The following HEPACAM2 variants were observed in gnomAD, a reference collection of about 807,000 sequenced individuals.
HEPACAM2 encodes the protein mitotic kinetics regulator.
HEPACAM2 carries 49 observed loss-of-function variants against 49.6 expected under a neutral mutation model. The ratio of observed to expected loss-of-function variants is 0.99; its 90% confidence interval spans 0.78 to 1.25. The LOEUF (loss-of-function observed/expected upper bound fraction) is 1.25, where lower values mean the gene tolerates loss of function less well. Ranked by LOEUF, HEPACAM2 falls within the 50% of genes most tolerant of loss-of-function variation. HEPACAM2 has a pLI of 0.00. For synonymous variants in HEPACAM2, 197 were observed against 202.9 expected, an observed-to-expected ratio of 0.97 and a Z score of 0.25; for missense variants, 525 against 557.2, an observed-to-expected ratio of 0.94 and a Z score of 0.58.
chr7:93,203,469 T>A (rs1475118424), intron 4 of HEPACAM2, among the ~76,000 whole-genome samples: 1 of 152,126 alleles, frequency 6.6e-6, no homozygotes, highest in African/African-American at 2.4e-5. Context: ...CCATAGAGAA[T>A]GTATAGGGAT....
chr7:93,209,694 A>G (rs1794129471), intron 3 of HEPACAM2, among the ~76,000 whole-genome samples: 1 of 151,978 alleles, frequency 6.6e-6, no homozygotes, highest in African/African-American at 2.4e-5. Flanking sequence ...TTTCTGAAAT[A>G]GTCATTGTAC....
the HEPACAM2 span, among the ~76,000 whole-genome samples, chr7:93,232,023 C>T: frequency 5.3e-5 from 8 of 152,192 alleles, no homozygotes; most frequent in East Asian, 1.5e-3. Context: ...GTGAGGTTTC[C>T]TCCCTCACAC....
chr7:93,201,947 T>G (rs545264057), intron 4 of HEPACAM2, among the ~76,000 whole-genome samples: 1 of 147,010 alleles, frequency 6.8e-6, no homozygotes, highest in Admixed American at 6.9e-5. Context: ...GAAGGACCCA[T>G]ACTTCACTGC....
In HEPACAM2 at chr7:93,219,248, G is replaced by A; in HGVS notation, c.283C>T (p.Gln95Ter). 2 of 1,613,954 alleles carry A rather than the reference G, an allele frequency of 1.2e-6. No homozygotes were observed. The highest frequency in any genetic ancestry group is 1.7e-6 in the Non-Finnish European group (2 of 1,179,940). ...NKSVVPDLEY[Q>*]HKFTMMPPNA... is the part of the protein sequence containing the mutation. ...GGTGGCATCATGGTGAACTTGTGTT[G>A]GTATTCCAAGTCAGGAACCACAGAC... Residue 95 changes from glutamine (Q) to a stop codon, truncating the protein, a stop_gained, in exon 2 of 10, where the codon CAA becomes TAA. Coordinates refer to ENST00000394468, the MANE Select transcript of HEPACAM2 (RefSeq NM_001039372.4). LOFTEE classifies it high-confidence loss of function.
intron 8 of HEPACAM2, among the ~76,000 whole-genome samples, chr7:93,195,135 C>T (rs970953454): frequency 2.6e-5 from 4 of 152,034 alleles, no homozygotes; most frequent in Non-Finnish European, 5.9e-5. Flanking sequence ...AAAGGGAAAA[C>T]TGAGGAACAG....
upstream of HEPACAM2, among the ~76,000 whole-genome samples, chr7:93,229,048 G>A (rs1315107729): frequency 2.0e-5 from 3 of 152,198 alleles, no homozygotes; most frequent in Non-Finnish European, 2.9e-5. Flanking sequence ...ATCACAAGTA[G>A]CTAGCACACG....
chr7:93,227,650 C>T (rs1019869982), upstream of HEPACAM2, among the ~76,000 whole-genome samples: 10 of 152,142 alleles, frequency 6.6e-5, no homozygotes, highest in African/African-American at 2.4e-4. Context: ...TTTCAGATCC[C>T]TCCATGCTTC....
intron 4 of HEPACAM2, among the ~76,000 whole-genome samples, chr7:93,206,572 G>T (rs2116675423): frequency 6.6e-6 from 1 of 152,104 alleles, no homozygotes; most frequent in South Asian, 2.1e-4. Flanking sequence ...GAGCTGCATT[G>T]TCTGACATGG....
chr7:93,226,420 G>A lies in HEPACAM2; in HGVS notation c.27C>T (p.Pro9=). Residue 9 remains proline (P), a synonymous_variant, in exon 1 of 10, where the codon CCC becomes CCT. Transcript: ENST00000394468. The stretch of plus-strand genomic sequence containing the variant: ...GAAAGACCCCAAGTGTGTCACCGAA[G>A]GGCTCCATGAAAGCATCCTGTCCCA... MGQDAFME[P]FGDTLGVFQC... 6.2e-7 allele frequency: 1 copy of A among 1,613,602 alleles called. No homozygotes were observed. The highest frequency in any genetic ancestry group is 8.5e-7 in the Non-Finnish European group (1 of 1,179,666).
upstream of HEPACAM2, among the ~76,000 whole-genome samples, chr7:93,231,338 A>C (rs897579213): frequency 6.6e-6 from 1 of 152,242 alleles, no homozygotes; most frequent in South Asian, 2.1e-4. Context: ...TTTCTTCAGC[A>C]CAATACATGA....
chr7:93,217,891 TG>T, intron 2 of HEPACAM2, among the ~76,000 whole-genome samples: 1 of 151,226 alleles, frequency 6.6e-6, no homozygotes, highest in African/African-American at 2.4e-5. Context: ...TGTGTGTGTG[TG>T]TGTGTGTGTG....
rs1412333404 is a variant in HEPACAM2 at position 93,225,917 on chromosome 7, C to A, written c.79+451G>T. ...ATATTTCATAAGATGAGACAGATAA[C>A]TTAAAACGAAGCAGTAAACAGTTTG... On this transcript the variant is annotated intron_variant, in intron 1 of 9. Coordinates refer to ENST00000394468, the MANE Select transcript of HEPACAM2 (RefSeq NM_001039372.4). The A allele has an allele frequency of 4.2e-6, 6 of 1,437,640 alleles. No homozygotes were observed. The South Asian group carries it at 8.0e-5, about 19-fold the overall frequency. 89.1% of individuals were successfully genotyped at this position (1,437,640 alleles called of 1,614,324 possible).
chr7:93,226,862 A>G (rs918839570), upstream of HEPACAM2, among the ~76,000 whole-genome samples: 1 of 152,162 alleles, frequency 6.6e-6, no homozygotes, highest in African/African-American at 2.4e-5. Flanking sequence ...ATTAAAAAAA[A>G]TTATATGAAA....
chr7:93,195,796 T>C (rs776075808), intron 8 of HEPACAM2, 32 bp downstream of exon 8: 63 of 1,546,248 alleles, frequency 4.1e-5, no homozygotes, highest in Non-Finnish European at 5.5e-5. Flanking sequence ...AGAATTCTAC[T>C]TCTCGGTTAA....
At chr7:93,195,633 T>C (rs1294866378) in intron 8 of HEPACAM2, among the ~76,000 whole-genome samples, 195 bp downstream of exon 8, 2 of 152,198 alleles carry the variant, frequency 1.3e-5, no homozygotes, top group Non-Finnish European at 2.9e-5. Flanking sequence ...GCTTTACTTA[T>C]AAAGGCGAAG....
chr7:93,226,304 A>G (rs1794537915), intron 1 of HEPACAM2, 64 bp downstream of exon 1: 2 of 1,176,762 alleles, frequency 1.7e-6, no homozygotes, highest in Non-Finnish European at 2.5e-6. Context: ...TATTTACCTT[A>G]TGTCCACAAT....
chr7:93,232,277 A>G, the HEPACAM2 span: 4 of 558,736 alleles, frequency 7.2e-6, no homozygotes, highest in East Asian at 9.4e-5. Context: ...TGGCCACTTT[A>G]GTTCATCGTT....
At chr7:93,190,022 C>A (rs1253509007) in intron 9 of HEPACAM2, among the ~76,000 whole-genome samples, 1 of 151,968 alleles carries the variant, frequency 6.6e-6, no homozygotes, top group Non-Finnish European at 1.5e-5. Context: ...TACTAAGAAT[C>A]ACTAATCTTT....
At chr7:93,190,185 A>G (rs2116617115) in intron 9 of HEPACAM2, among the ~76,000 whole-genome samples, 1 of 152,198 alleles carries the variant, frequency 6.6e-6, no homozygotes, top group Non-Finnish European at 1.5e-5. Context: ...TCTGATAAAG[A>G]AAAAGGAAGC....
Sources: allele counts gnomAD v4.1 joint callset (sites outside exome capture counted in the v4.1 genomes callset), GRCh38; gene constraint gnomAD v4.1.1; transcripts MANE v1.5; gene names NCBI Gene and HGNC (gene_info 2026-07-23, HGNC 2026-07-21).